CCDC187: variants seen among roughly 807,000 people sequenced by gnomAD.
CCDC187 encodes the protein coiled-coil domain-containing protein 187.
CCDC187 carries 32 observed loss-of-function variants against 38.0 expected under a neutral mutation model. The observed-to-expected ratio is 0.84, with a 90% CI of 0.64 to 1.13. CCDC187 has a LOEUF of 1.13. Ranked by LOEUF, CCDC187 falls within the 50% of genes most tolerant of loss-of-function variation. The pLI is 0.00. For synonymous variants in CCDC187, 333 were observed against 347.9 expected, an observed-to-expected ratio of 0.96 and a Z score of 0.48; for missense variants, 707 against 786.8, an observed-to-expected ratio of 0.90 and a Z score of 1.21.
Position 136,290,834 on chromosome 9 carries a change from G to T in CCDC187, c.1779C>A (p.Pro593=). The T allele has an allele frequency of 5.0e-6, 2 of 398,568 alleles. No individual in the cohort carries two copies. 24.7% of individuals were successfully genotyped at this position (398,568 alleles called of 1,614,324 possible). Residue 593 remains proline, a synonymous_variant, in exon 6 of 26, where the codon CCC becomes CCA. Transcript: ENST00000638797. ...GCAGGGCATGCTTGGCAGCCGAGAC[G>T]GGGGAGCCGATGCCTCTGCCCTTGC... The part of the protein sequence containing the change: ...PQGKGRGIGS[P]VSAAKHALPR...
chr9:136,275,398 G>T (rs1253328233), intron 12 of CCDC187, among the ~76,000 whole-genome samples: 3 of 152,090 alleles, frequency 2.0e-5, no homozygotes, highest in Non-Finnish European at 2.9e-5. Context: ...ACAGGGCAGG[G>T]TGTCTCTGTT....
chr9:136,283,584 C>T (rs1167172753), intron 9 of CCDC187, among the ~76,000 whole-genome samples: 4 of 152,236 alleles, frequency 2.6e-5, no homozygotes, highest in Admixed American at 6.5e-5. Flanking sequence ...TCTGCCGCCT[C>T]GGCAGGGCTG....
chr9:136,285,374 C>T, intron 9 of CCDC187, 139 bp downstream of exon 9: 1 of 402,384 alleles, frequency 2.5e-6, no homozygotes, highest in Non-Finnish European at 4.4e-6. Flanking sequence ...TCTGGACCAG[C>T]ATGACGGGGA....
intron 7 of CCDC187, among the ~76,000 whole-genome samples, chr9:136,289,368 A>G (rs1392721525): frequency 2.4e-4 from 37 of 151,830 alleles, no homozygotes; most frequent in African/African-American, 8.2e-4. Flanking sequence ...AAATACAAAA[A>G]ATTAGCCGGG....
rs1831347044 is a variant in CCDC187 at position 136,292,168 on chromosome 9, C to T, written c.960G>A (p.Val320=). The T allele has an allele frequency of 1.5e-5, 6 of 398,762 alleles. No individual in the cohort carries two copies. In the South Asian group the frequency reaches 7.6e-4, roughly 51 times the overall value. 24.7% of individuals were successfully genotyped at this position (398,762 alleles called of 1,614,324 possible). The change falls in exon 5 of 26, where the codon GTG becomes GTA. Residue 320 remains valine, a synonymous_variant. Transcript: ENST00000638797. ...KDPSRDPALT[V]DLGDSEKVIA... The stretch of plus-strand genomic sequence containing the variant: ...TGGCAGAGGCACAGGTACCTAAGTC[C>T]ACGGTGAGAGCCGGGTCTCTCGAGG...
chr9:136,284,527 C>T (rs1831125397), intron 9 of CCDC187, among the ~76,000 whole-genome samples: 1 of 152,266 alleles, frequency 6.6e-6, no homozygotes, highest in East Asian at 1.9e-4. Context: ...AGGGTGCTTC[C>T]GTCAAGGACA....
In CCDC187 at chr9:136,253,982, C is replaced by T; in HGVS notation, c.5846G>A (p.Gly1949Asp). ...VTLQAPPGDP[G>D]RLAPPVAESR... ...CTCAGCTACTGGAGGTGCCAGCCTG[C>T]CTGGGTCCCCAGGAGGAGCCTGCAG... The change falls in exon 26 of 26, where the codon GGC becomes GAC. Residue 1949 changes from glycine (G) to aspartate (D), a missense_variant. Transcript: ENST00000638797. The T allele has an allele frequency of 1.1e-6, 1 of 909,872 alleles. No homozygotes were observed. Among genetic ancestry groups the T allele is most frequent in the Non-Finnish European group, 1.3e-6 (1 of 761,380 alleles). 56.4% of individuals were successfully genotyped at this position (909,872 alleles called of 1,614,324 possible).
intron 4 of CCDC187, among the ~76,000 whole-genome samples, chr9:136,297,024 A>C (rs2131345736): frequency 6.6e-6 from 1 of 152,026 alleles, no homozygotes; most frequent in Admixed American, 6.5e-5. Flanking sequence ...TTGCTCACTA[A>C]ATGTGAACGT....
intron 10 of CCDC187, among the ~76,000 whole-genome samples, chr9:136,279,890 A>G (rs1160788501): frequency 6.6e-6 from 1 of 152,130 alleles, no homozygotes; most frequent in Non-Finnish European, 1.5e-5. Flanking sequence ...GGTTCACTAT[A>G]AAAGGAAGAG....
chr9:136,262,859 T>C (rs1290560104), intron 18 of CCDC187, among the ~76,000 whole-genome samples: 2 of 152,020 alleles, frequency 1.3e-5, no homozygotes, highest in Admixed American at 6.5e-5. Context: ...GACGCGCAGG[T>C]GGGGAAGGCA....
intron 15 of CCDC187, chr9:136,267,848 C>G (rs926648649): frequency 3.0e-6 from 3 of 985,188 alleles, no homozygotes; most frequent in Non-Finnish European, 3.6e-6. Context: ...TGCCTGCCCC[C>G]CTCTGTCACC....
Position 136,252,419 on chromosome 9 carries a change from C to T in CCDC187, c.*1175G>A, listed in dbSNP as rs532872125. The stretch of plus-strand genomic sequence containing the variant: ...CAACCGTCCCGCACAGCCGGCCGCC[C>T]ACCCTGTCCACCGGGGGAAGGTCCA... On this transcript the variant is annotated 3_prime_UTR_variant, in exon 26 of 26. Transcript: ENST00000638797. 23 of 203,356 alleles carry T rather than the reference C, an allele frequency of 1.1e-4. No individual in the cohort carries two copies. The South Asian group carries it at 1.2e-3, about 10-fold the overall frequency. 12.6% of individuals were successfully genotyped at this position (203,356 alleles called of 1,614,324 possible).
In CCDC187 at chr9:136,267,477, C is replaced by T. The variant is rs1401039318; in HGVS notation, c.3554G>A (p.Arg1185Gln). 3.0e-6 allele frequency: 3 copies of T among 985,552 alleles called. No individual in the cohort carries two copies. The highest frequency in any genetic ancestry group is 1.7e-5 in the African/African-American group (1 of 57,252). 61.1% of individuals were successfully genotyped at this position (985,552 alleles called of 1,614,324 possible). A position where few individuals can be genotyped will look rare whatever the true frequency, so the allele number is the denominator to read the frequency against. The change falls in exon 16 of 26, where the codon CGA becomes CAA. Residue 1185 changes from arginine to glutamine, a missense_variant. Arg to Gln is a conservative substitution (Grantham distance 43, BLOSUM62 1). Transcript: ENST00000638797. Reference protein sequence around the residue: ...LERSLREEELRAQHQAALLRL... With the variant: ...LERSLREEELQAQHQAALLRL... ...CAGCAGCGCGGCCTGGTGCTGTGCT[C>T]GCAGCTCCTCCTCCCGCAGGCTCCG...
chr9:136,258,982 C>T lies in CCDC187; in HGVS notation c.4316G>A (p.Arg1439His), dbSNP rs117339945. 18,079 of 985,634 alleles carry T rather than the reference C, an allele frequency of 0.018. 829 individuals carry two copies. In the East Asian group the frequency reaches 0.23, roughly 13 times the overall value. 61.1% of individuals were successfully genotyped at this position (985,634 alleles called of 1,614,324 possible). A position where few individuals can be genotyped will look rare whatever the true frequency, so the allele number is the denominator to read the frequency against. ...AGACCTGCACTGAGCTGTGGGGAGG[C>T]GCCCCTCCGCCTCCTCGGCCTGGGG... ...PAFPAEEAEG[R>H]LPTAQCRSRE... Residue 1439 changes from arginine (R) to histidine (H), a missense_variant, in exon 22 of 26, where the codon CGC becomes CAC. By Grantham distance (29) the Arg-to-His change is conservative. Coordinates refer to ENST00000638797, the MANE Select transcript of CCDC187 (RefSeq NM_001378188.1). This position sits in a 1 kb window ranked among gnomAD's most constrained non-coding sequence, Gnocchi z 4.3.
At chr9:136,270,187 C>T (rs1431738944) in intron 14 of CCDC187, among the ~76,000 whole-genome samples, 2 of 152,140 alleles carry the variant, frequency 1.3e-5, no homozygotes, top group African/African-American at 4.8e-5. Flanking sequence ...GATGAGAGAT[C>T]GTAAGAAATA....
At chr9:136,292,873 G>A (rs1014274814) in intron 4 of CCDC187, among the ~76,000 whole-genome samples, 8 of 152,316 alleles carry the variant, frequency 5.3e-5, no homozygotes, top group East Asian at 3.9e-4. Context: ...AGGGAGTCCC[G>A]GGCATCGCTG....
intron 4 of CCDC187, among the ~76,000 whole-genome samples, chr9:136,293,118 CTCACAA>C (rs1337714699): frequency 6.8e-6 from 1 of 146,750 alleles, no homozygotes; most frequent in African/African-American, 2.7e-5. Context: ...TGCTCACACA[CTCACAA>C]ACACTCACAT....
In CCDC187 at chr9:136,261,185, G is replaced by A. The variant is rs978127906; in HGVS notation, c.4065-921C>T. Among the ~76,000 whole-genome samples, 14 of 152,134 alleles carry A rather than the reference G, an allele frequency of 9.2e-5. No individual in the cohort carries two copies. The East Asian group carries it at 1.9e-3, about 21-fold the overall frequency. On this transcript the variant is annotated intron_variant, in intron 19 of 25. Transcript: ENST00000638797. ...GTGGGAGTGCTCATAGACACACCCC[G>A]ACCCCAAGGCGCCCAGCTCACAGCT...
chr9:136,298,279 A>T (rs1831584256), intron 3 of CCDC187, among the ~76,000 whole-genome samples: 1 of 152,078 alleles, frequency 6.6e-6, no homozygotes, highest in Non-Finnish European at 1.5e-5. Context: ...CAGCGGCCGG[A>T]CTGAACATCT....
Sources: gnomAD v4.1 joint callset for allele counts (sites outside exome capture counted in the v4.1 genomes callset) on GRCh38, gnomAD v4.1.1 for gene constraint, Gnocchi (gnomAD v3.1) non-coding constraint, MANE v1.5 for transcripts, NCBI Gene and HGNC (gene_info 2026-07-23, HGNC 2026-07-21) for gene names.